Variants in UBE2V2 observed in about 807,000 individuals in gnomAD.
The protein encoded by UBE2V2 is ubiquitin conjugating enzyme E2 V2, also known as ubiquitin-conjugating enzyme E2 variant 2.
A neutral mutation model predicts 17.2 loss-of-function variants in UBE2V2; 9 were observed. The ratio of observed to expected loss-of-function variants is 0.52; its 90% CI spans 0.32 to 0.91. UBE2V2 has a LOEUF of 0.91. UBE2V2 is among the 40% of genes least tolerant of loss of function. The pLI, the probability that UBE2V2 is intolerant of heterozygous loss-of-function variation, is 0.04. For missense variants in UBE2V2, 133 were observed against 182.6 expected, an observed-to-expected ratio of 0.73 and a Z score of 1.56; for synonymous variants, 61 against 57.5, an observed-to-expected ratio of 1.06 and a Z score of -0.28.
At chr8:48,035,568 T>C (rs2091416792) in intron 1 of UBE2V2, among the ~76,000 whole-genome samples, 2 of 151,504 alleles carry the variant, frequency 1.3e-5, no homozygotes, top group East Asian at 3.9e-4. Flanking sequence ...TGAGGGGAAA[T>C]TTCACAAAGT....
intron 1 of UBE2V2, among the ~76,000 whole-genome samples, chr8:48,037,046 G>T (rs1404640673): frequency 6.6e-6 from 1 of 152,168 alleles, no homozygotes; most frequent in African/African-American, 2.4e-5. Flanking sequence ...ATGCATCGTG[G>T]CAGGCACCTG....
At chr8:48,037,377 C>G (rs756205787) in intron 1 of UBE2V2, among the ~76,000 whole-genome samples, 1 of 152,220 alleles carries the variant, frequency 6.6e-6, no homozygotes, top group Non-Finnish European at 1.5e-5. Flanking sequence ...TGCCTCTTCT[C>G]CCCAGGGCAG....
intron 1 of UBE2V2, among the ~76,000 whole-genome samples, chr8:48,041,338 C>T (rs1386255261): frequency 3.3e-5 from 5 of 151,866 alleles, no homozygotes; most frequent in African/African-American, 7.3e-5. Context: ...AAAAATTAGC[C>T]GGGCATGGTG....
intron 1 of UBE2V2, among the ~76,000 whole-genome samples, chr8:48,040,409 C>A (rs1244307366): frequency 6.6e-6 from 1 of 152,114 alleles, no homozygotes; most frequent in East Asian, 1.9e-4. Context: ...TAATATTTTT[C>A]CTGATACCAA....
chr8:48,057,281 T>G (rs918468095), intron 3 of UBE2V2, among the ~76,000 whole-genome samples: 10 of 152,150 alleles, frequency 6.6e-5, no homozygotes, highest in Admixed American at 2.6e-4. Flanking sequence ...AACTATATTT[T>G]ACAGTTTTTA....
intron 2 of UBE2V2, among the ~76,000 whole-genome samples, chr8:48,046,970 T>C (rs1218023173): frequency 6.6e-6 from 1 of 151,812 alleles, no homozygotes; most frequent in Non-Finnish European, 1.5e-5. Flanking sequence ...GATGGAGCTT[T>C]GCTCTTGTTG....
intron 1 of UBE2V2, among the ~76,000 whole-genome samples, chr8:48,028,576 G>A (rs2091361908): frequency 6.6e-6 from 1 of 152,098 alleles, no homozygotes; most frequent in Non-Finnish European, 1.5e-5. Flanking sequence ...GACCTCAGGT[G>A]ATCTGCCCAC....
intron 3 of UBE2V2, among the ~76,000 whole-genome samples, chr8:48,057,211 A>T (rs2091578723): frequency 6.6e-6 from 1 of 152,214 alleles, no homozygotes; most frequent in South Asian, 2.1e-4. Flanking sequence ...GAATATTGTC[A>T]TCTTCACAGT....
intron 1 of UBE2V2, among the ~76,000 whole-genome samples, chr8:48,018,363 AT>A (rs1046958659): frequency 2.0e-5 from 3 of 151,934 alleles, no homozygotes; most frequent in African/African-American, 7.3e-5. Context: ...TTCAGTTTTC[AT>A]TTTTTTCAAT....
the UBE2V2 span, among the ~76,000 whole-genome samples, chr8:48,003,196 C>G: frequency 1.5e-5 from 2 of 132,872 alleles, no homozygotes; most frequent in Non-Finnish European, 3.1e-5. Flanking sequence ...GGCGACAGAG[C>G]AAGACTCTGT....
the UBE2V2 span, among the ~76,000 whole-genome samples, chr8:47,999,550 C>T: frequency 3.9e-3 from 589 of 151,718 alleles, 4 homozygotes; most frequent in South Asian, 0.025. Flanking sequence ...TTAGTAGAGA[C>T]GGGGTTTCAC....
intron 1 of UBE2V2, among the ~76,000 whole-genome samples, chr8:48,041,427 G>A (rs2091463855): frequency 6.6e-6 from 1 of 152,050 alleles, no homozygotes; most frequent in Admixed American, 6.6e-5. Flanking sequence ...GGTTGGCTCG[G>A]CTACAGAGCG....
At chr8:48,013,407 A>C (rs2091246776) in intron 1 of UBE2V2, among the ~76,000 whole-genome samples, 1 of 151,354 alleles carries the variant, frequency 6.6e-6, no homozygotes, top group Non-Finnish European at 1.5e-5. Context: ...TCCTGGGTTC[A>C]TGCCATTCTG....
intron 1 of UBE2V2, among the ~76,000 whole-genome samples, chr8:48,035,602 C>T (rs1308342433): frequency 6.6e-5 from 9 of 135,952 alleles, no homozygotes; most frequent in African/African-American, 2.5e-4. Flanking sequence ...AATCACAATA[C>T]ATATTTAAAA....
chr8:48,007,104 G>A (rs2091188711), upstream of UBE2V2, among the ~76,000 whole-genome samples: 1 of 151,592 alleles, frequency 6.6e-6, no homozygotes, highest in African/African-American at 2.4e-5. Context: ...TAGCCAAGAT[G>A]GTCTTGATCT....
At chr8:47,997,583 C>A in the UBE2V2 span, among the ~76,000 whole-genome samples, 1 of 151,954 alleles carries the variant, frequency 6.6e-6, no homozygotes, top group South Asian at 2.1e-4. Context: ...TATTTAAATT[C>A]TTTCATATAA....
intron 2 of UBE2V2, chr8:48,043,427 TCAGTACAAATGA>T: frequency 3.5e-6 from 1 of 288,238 alleles, no homozygotes; most frequent in African/African-American, 2.2e-5. Context: ...GGAGAAAAAA[TCAGTACAAATGA>T]CAGATTCTAA....
intron 1 of UBE2V2, among the ~76,000 whole-genome samples, chr8:48,025,301 T>C (rs1563851730): frequency 6.6e-6 from 1 of 150,706 alleles, no homozygotes; most frequent in Non-Finnish European, 1.5e-5. Flanking sequence ...GGAGTCTCAC[T>C]CTGTCATCCA....
intron 2 of UBE2V2, chr8:48,043,457 A>C (rs1417361492): frequency 4.3e-6 from 1 of 230,540 alleles, no homozygotes; most frequent in Non-Finnish European, 8.3e-6. Context: ...TAAATATGAC[A>C]GAGCAAGTTC....
Sources: allele counts gnomAD v4.1 joint callset (sites outside exome capture counted in the v4.1 genomes callset), GRCh38; gene constraint gnomAD v4.1.1; transcripts MANE v1.5; gene names NCBI Gene and HGNC (gene_info 2026-07-23, HGNC 2026-07-21).